Variants in LGALS9B observed in about 807,000 individuals in gnomAD.
LGALS9B encodes the protein galectin-9B.
Under a neutral mutation model 35.9 loss-of-function variants are expected in LGALS9B, and 8 were observed. The ratio of observed to expected loss-of-function variants is 0.22; its 90% CI spans 0.13 to 0.40. The LOEUF (loss-of-function observed/expected upper bound fraction) is 0.40. Ranked by LOEUF, LGALS9B falls within the 10% of genes least tolerant of loss-of-function variation. The pLI is 1.00. For synonymous variants in LGALS9B, 42 were observed against 148.6 expected, an observed-to-expected ratio of 0.28 and a Z score of 5.22; for missense variants, 101 against 397.9, an observed-to-expected ratio of 0.25 and a Z score of 6.35.
rs1031495127 is a variant in LGALS9B at position 20,467,317 on chromosome 17, T to A, written c.39+115A>T. 39 of 747,840 alleles carry A rather than the reference T, an allele frequency of 5.2e-5. 1 individual carries two copies. Among genetic ancestry groups the A allele is most frequent in the African/African-American group, 1.3e-4 (7 of 53,746 alleles). The allele number at this position is 747,840 out of a possible 1,614,324, so 46.3% of individuals were successfully genotyped here. A position where few individuals can be genotyped will look rare whatever the true frequency, so the allele number is the denominator to read the frequency against. On this transcript the variant is annotated intron_variant, in intron 1 of 10. Transcript: ENST00000423676. ...ACTGACATTTCTGCCCTGCTTGTGT[T>A]CTCTTTGGGATGCCCCCACCCCTGT...
At chr17:20,466,868 A>G (rs560114377) in intron 1 of LGALS9B, among the ~76,000 whole-genome samples, 1 of 147,988 alleles carries the variant, frequency 6.8e-6, no homozygotes, top group Non-Finnish European at 1.5e-5. Flanking sequence ...CTGCCCCCAG[A>G]CTCCCAATAA....
Position 20,451,732 on chromosome 17 carries a change from G to C in LGALS9B, c.761+63C>G. On this transcript the variant is annotated intron_variant, in intron 9 of 10. Coordinates refer to ENST00000423676, the MANE Select transcript of LGALS9B (RefSeq NM_001367292.2). ...ATCGCCAGCCTGCCAAAAGCCAGGG[G>C]AATGGCTGGAATTACCTTGAAGGGC... The C allele has an allele frequency of 3.5e-6, 4 of 1,150,978 alleles. No homozygotes were observed. In the South Asian group the frequency reaches 3.9e-5, roughly 11 times the overall value. 71.3% of individuals were successfully genotyped at this position (1,150,978 alleles called of 1,614,324 possible).
intron 1 of LGALS9B, among the ~76,000 whole-genome samples, chr17:20,465,864 G>A (rs1156267347): frequency 6.7e-6 from 1 of 149,870 alleles, no homozygotes; most frequent in East Asian, 2.0e-4. Context: ...ACCGAGTGAG[G>A]CTCAAGTGTC....
At chr17:20,466,822 T>G (rs2142430887) in intron 1 of LGALS9B, among the ~76,000 whole-genome samples, 1 of 147,304 alleles carries the variant, frequency 6.8e-6, no homozygotes, top group South Asian at 2.1e-4. Context: ...GCCTCACCCT[T>G]CAGAGCACAG....
intron 6 of LGALS9B, 109 bp from the exon 7 acceptor site, chr17:20,453,176 A>C: frequency 1.1e-6 from 1 of 927,918 alleles, no homozygotes; most frequent in Non-Finnish European, 1.7e-6. Flanking sequence ...TAACCAGCCC[A>C]GTGGCCCCAC....
chr17:20,455,721 C>T (rs2042684857), intron 4 of LGALS9B, among the ~76,000 whole-genome samples: 1 of 151,204 alleles, frequency 6.6e-6, no homozygotes, highest in South Asian at 2.1e-4. Flanking sequence ...TCAGGGAGCT[C>T]CCTCGAATGC....
chr17:20,464,115 T>TTTTTTA (rs2042745003), intron 1 of LGALS9B, among the ~76,000 whole-genome samples: 1 of 115,878 alleles, frequency 8.6e-6, no homozygotes, highest in African/African-American at 3.7e-5. Context: ...TTTTTTTTTT[T>TTTTTTA]GAGACAGGAT....
At chr17:20,458,675 A>G (rs2042706372) in intron 2 of LGALS9B, among the ~76,000 whole-genome samples, 1 of 135,810 alleles carries the variant, frequency 7.4e-6, no homozygotes, top group African/African-American at 2.7e-5. Flanking sequence ...GAAAGTGATT[A>G]CCAGTTGGTA....
Position 20,453,024 on chromosome 17 carries a change from A to T in LGALS9B, c.620T>A (p.Met207Lys). 2 of 1,397,272 alleles carry T rather than the reference A, an allele frequency of 1.4e-6. No homozygotes were observed. The highest frequency in any genetic ancestry group is 2.0e-6 in the Non-Finnish European group (2 of 998,784). The allele number at this position is 1,397,272 out of a possible 1,614,324, so 86.6% of individuals were successfully genotyped here. Reference protein sequence around the residue: ...IHTVQSASGQMFSQTPAIPPM... With the variant: ...IHTVQSASGQKFSQTPAIPPM... ...CAGAACTTGAAGACTTACAGAGAAC[A>T]TCTGTCCAGAGGCGCTCTGCACCGT... is the stretch of plus-strand genomic sequence containing the variant. Residue 207 changes from methionine to lysine, a missense_variant, in exon 7 of 11, where the codon ATG becomes AAG. Physicochemically the swap from Met to Lys is moderately conservative, Grantham distance 95 (BLOSUM62 -1). Transcript: ENST00000423676.
intron 4 of LGALS9B, among the ~76,000 whole-genome samples, chr17:20,455,738 G>T (rs1350248822): frequency 6.6e-6 from 1 of 151,252 alleles, no homozygotes; most frequent in African/African-American, 2.4e-5. Context: ...ATGCCAAAAG[G>T]GTAACAGCAG....
chr17:20,466,449 A>C (rs1597499220), intron 1 of LGALS9B, among the ~76,000 whole-genome samples: 22 of 137,706 alleles, frequency 1.6e-4, no homozygotes, highest in South Asian at 4.9e-4. Flanking sequence ...GCCTCTGCCC[A>C]CCCTCCCCAT....
intron 1 of LGALS9B, among the ~76,000 whole-genome samples, chr17:20,464,093 G>GT (rs59320210): frequency 0.031 from 2,758 of 89,822 alleles, 317 homozygotes; most frequent in East Asian, 0.1. Flanking sequence ...TGTTTGTTGT[G>GT]TTTTTTTTTT....
chr17:20,465,758 A>G lies in LGALS9B; in HGVS notation c.39+1674T>C, dbSNP rs556510928. 1.1e-3 allele frequency among the ~76,000 whole-genome samples: 137 copies of G among 127,418 alleles called. 6 individuals are homozygous for G. Among genetic ancestry groups the G allele is most frequent in the Non-Finnish European group, 1.7e-3 (104 of 60,200 alleles). 83.6% of individuals were successfully genotyped at this position (127,418 alleles called of 152,430 possible). ...AGTGAGGTTTCCAAGCCAGGCCCTC[A>G]TGGCACTCAGCCCTCCTCAGCAGGA... On this transcript the variant is annotated intron_variant, in intron 1 of 10. Coordinates refer to ENST00000423676, the MANE Select transcript of LGALS9B (RefSeq NM_001367292.2).
At chr17:20,456,264 G>A (rs2042689843) in intron 4 of LGALS9B, among the ~76,000 whole-genome samples, 1 of 146,412 alleles carries the variant, frequency 6.8e-6, no homozygotes. Flanking sequence ...ACTGGATTCA[G>A]TTTGGTTCTT....
At chr17:20,460,250 T>C (rs1454001488) in intron 2 of LGALS9B, 102 bp downstream of exon 2, 1 of 1,601,072 alleles carries the variant, frequency 6.2e-7, no homozygotes, top group Admixed American at 1.7e-5. Context: ...GCCAGGCACG[T>C]GAGCTTGGAT....
At chr17:20,464,125 T>G (rs2042745201) in intron 1 of LGALS9B, among the ~76,000 whole-genome samples, 1 of 127,362 alleles carries the variant, frequency 7.9e-6, no homozygotes, top group Admixed American at 8.0e-5. Flanking sequence ...TGAGACAGGA[T>G]CTCATTCTGT....
intron 5 of LGALS9B, among the ~76,000 whole-genome samples, chr17:20,455,031 GGT>G (rs1253525620): frequency 2.6e-4 from 32 of 124,384 alleles, no homozygotes; most frequent in African/African-American, 8.3e-4. Context: ...CTGTAGTCAT[GGT>G]GAGGAATCCC....
chr17:20,459,514 C>T lies in LGALS9B; in HGVS notation c.131+838G>A, dbSNP rs1221764156. ...AAGTCCGACAGCAGGATAGCAATGG[C>T]GGAGGAGGTCATCAAGAATCTAGGT... is the stretch of plus-strand genomic sequence containing the variant. On this transcript the variant is annotated intron_variant, in intron 2 of 10. Coordinates refer to ENST00000423676, the MANE Select transcript of LGALS9B (RefSeq NM_001367292.2). Among the ~76,000 whole-genome samples, 5 of 34,710 alleles carry T rather than the reference C, an allele frequency of 1.4e-4. 2 individuals carry two copies. The East Asian group carries it at 1.7e-3, about 12-fold the overall frequency. 22.8% of individuals were successfully genotyped at this position (34,710 alleles called of 152,430 possible). A position where few individuals can be genotyped will look rare whatever the true frequency, so the allele number is the denominator to read the frequency against.
intron 2 of LGALS9B, 101 bp downstream of exon 2, chr17:20,460,251 G>C: frequency 6.2e-7 from 1 of 1,602,758 alleles, no homozygotes; most frequent in Admixed American, 1.7e-5. Flanking sequence ...CCAGGCACGT[G>C]AGCTTGGATG....
Sources: allele counts gnomAD v4.1 joint callset (sites outside exome capture counted in the v4.1 genomes callset), GRCh38; gene constraint gnomAD v4.1.1; transcripts MANE v1.5; gene names NCBI Gene and HGNC (gene_info 2026-07-23, HGNC 2026-07-21).